The following ASL variants were observed in gnomAD, a reference collection of about 807,000 sequenced individuals.
ASL encodes the protein argininosuccinate lyase.
A neutral mutation model predicts 69.1 loss-of-function variants in ASL; 51 were observed. The observed-to-expected ratio is 0.74, with a 90% confidence interval of 0.59 to 0.93. The LOEUF (loss-of-function observed/expected upper bound fraction) is 0.93, where lower values mean the gene tolerates loss of function less well. ASL is among the 40% of genes least tolerant of loss of function. The pLI, the probability that ASL is intolerant of heterozygous loss-of-function variation, is 0.00. For synonymous variants in ASL, 241 were observed against 247.6 expected (o/e 0.97, Z 0.25); for missense variants, 540 against 623.9 (o/e 0.87, Z 1.43).
chr7:66,092,482 G>C, intron 15 of ASL, 75 bp from the exon 16 acceptor site: 1 of 1,328,648 alleles, frequency 7.5e-7, no homozygotes, highest in Non-Finnish European at 1.1e-6. Flanking sequence ...AAAAAAGGAA[G>C]GGGGTGCAGG....
chr7:66,082,544 C>T, intron 4 of ASL, 93 bp downstream of exon 4: 1 of 1,391,528 alleles, frequency 7.2e-7, no homozygotes, highest in Non-Finnish European at 1.0e-6. Flanking sequence ...GTTTACTTCG[C>T]CATTGGCAGA....
At chr7:66,079,946 G>T (rs1786452295) in intron 2 of ASL, among the ~76,000 whole-genome samples, 1 of 152,126 alleles carries the variant, frequency 6.6e-6, no homozygotes. Context: ...ATGTCTGGGT[G>T]TGGTGGCGCA....
chr7:66,088,776 A>G, intron 10 of ASL, 31 bp from the exon 11 acceptor site: 1 of 1,579,892 alleles, frequency 6.3e-7, no homozygotes, highest in Non-Finnish European at 8.7e-7. Context: ...GGGATGGGAG[A>G]GGCCTGGTGA....
At position 66,086,832 on chromosome 7, in the gene ASL, C is replaced by T. The variant is rs766038630; in HGVS notation, c.602+11C>T. 2 of 1,565,696 alleles carry T rather than the reference C, an allele frequency of 1.3e-6. No individual in the cohort carries two copies. Among genetic ancestry groups the T allele is most frequent in the Admixed American group, 3.8e-5 (2 of 52,328 alleles). ...CCTGCCCCTGGGGAGGTGGGTGAGGCTCCAGTGCCCCGAGGGCCTGGTGGG... is the reference window on the plus strand; with the variant it reads ...CCTGCCCCTGGGGAGGTGGGTGAGGTTCCAGTGCCCCGAGGGCCTGGTGGG... On this transcript the variant is annotated intron_variant, in intron 8 of 16. Transcript: ENST00000304874.
intron 15 of ASL, 45 bp from the exon 16 acceptor site, chr7:66,092,512 C>T (rs1458210566): frequency 6.5e-7 from 1 of 1,543,700 alleles, no homozygotes; most frequent in Admixed American, 1.7e-5. Context: ...CAGATCAGGG[C>T]ATGGAGAAAC....
At chr7:66,088,409 A>G (rs1269638847) in intron 10 of ASL, among the ~76,000 whole-genome samples, 3 of 152,094 alleles carry the variant, frequency 2.0e-5, no homozygotes, top group Non-Finnish European at 4.4e-5. Context: ...GGAACCTGGG[A>G]GGTAGAGGTT....
intron 2 of ASL, among the ~76,000 whole-genome samples, chr7:66,080,875 G>T (rs951684953): frequency 6.6e-6 from 1 of 152,184 alleles, no homozygotes; most frequent in Non-Finnish European, 1.5e-5. Flanking sequence ...TAGGAATTGG[G>T]ATCTTAGTCC....
chr7:66,080,753 C>A (rs564404517), intron 2 of ASL, among the ~76,000 whole-genome samples: 2 of 152,130 alleles, frequency 1.3e-5, no homozygotes, highest in African/African-American at 4.8e-5. Context: ...TAGATGCCTA[C>A]ATACCATTCC....
intron 14 of ASL, among the ~76,000 whole-genome samples, chr7:66,090,217 C>G (rs1786804300): frequency 6.6e-6 from 1 of 152,064 alleles, no homozygotes; most frequent in Admixed American, 6.6e-5. Flanking sequence ...CAGCCTGGAC[C>G]ACAGAGTAAA....
chr7:66,087,576 G>A (rs1786706181), intron 9 of ASL, 153 bp from the exon 10 acceptor site: 7 of 974,822 alleles, frequency 7.2e-6, no homozygotes, highest in South Asian at 1.4e-5. Context: ...GAGAGACTCA[G>A]GGCTCCTGCC....
chr7:66,087,197 A>G lies in ASL; in HGVS notation c.603-137A>G, dbSNP rs374585765. On this transcript the variant is annotated intron_variant, in intron 8 of 16. Transcript: ENST00000304874. ...TGGGCCAGGGAAGAGGCTAAGCGCCAGGTGGTTGCCCTGGCAACCAGGACT... is the reference window on the plus strand; with the variant it reads ...TGGGCCAGGGAAGAGGCTAAGCGCCGGGTGGTTGCCCTGGCAACCAGGACT... 7.3e-5 allele frequency: 73 copies of G among 995,406 alleles called. No individual in the cohort carries two copies. The East Asian group carries it at 1.2e-3, about 17-fold the overall frequency. 61.7% of individuals were successfully genotyped at this position (995,406 alleles called of 1,614,324 possible). A position where few individuals can be genotyped will look rare whatever the true frequency, so the allele number is the denominator to read the frequency against.
rs201814807 is a variant in ASL at position 66,087,724 on chromosome 7, C to T, written c.656-5C>T. ...GCTTAGCCCTGCTTCCTCCCACCCC[C>T]CCAGAACTCAACTTTGGGGCCATCA... is the stretch of plus-strand genomic sequence containing the variant. On this transcript the variant is annotated splice_region_variant and splice_polypyrimidine_tract_variant and intron_variant, in intron 9 of 16. Transcript: ENST00000304874. 63 of 1,614,114 alleles carry T rather than the reference C, an allele frequency of 3.9e-5. No individual in the cohort carries two copies. The highest frequency in any genetic ancestry group is 2.5e-5 in the Non-Finnish European group (29 of 1,180,014).
rs1364826703 is a variant in ASL at position 66,089,306 on chromosome 7, C to T, written c.949C>T (p.Leu317Phe). 6.2e-7 allele frequency: 1 copy of T among 1,609,460 alleles called. No individual in the cohort carries two copies. The highest frequency in any genetic ancestry group is 1.1e-5 in the South Asian group (1 of 90,518). Residue 317 changes from leucine (L) to phenylalanine (F), a missense_variant, in exon 13 of 17, where the codon CTT becomes TTT. Transcript: ENST00000304874. The stretch of plus-strand genomic sequence containing the variant: ...CGGGCTCCTGATGACCCTCAAGGGA[C>T]TTCCCAGCACCTACAACAAAGACTT... The part of the protein sequence containing the change: ...CAGLLMTLKG[L>F]PSTYNKDLQE...
intron 4 of ASL, 24 bp from the exon 5 acceptor site, chr7:66,082,856 C>A (rs751675135): frequency 1.9e-6 from 3 of 1,613,184 alleles, no homozygotes; most frequent in Non-Finnish European, 2.5e-6. Context: ...TAGACCGTGA[C>A]CCTGGGTCTC....
chr7:66,088,744 C>T (rs954608628), intron 10 of ASL, 63 bp from the exon 11 acceptor site: 1 of 1,423,202 alleles, frequency 7.0e-7, no homozygotes, highest in African/African-American at 1.4e-5. Flanking sequence ...TCCTCCTGCC[C>T]CCTGTATGGT....
chr7:66,085,867 C>G (rs1701748779), intron 6 of ASL, among the ~76,000 whole-genome samples: 1 of 152,100 alleles, frequency 6.6e-6, no homozygotes, highest in Admixed American at 6.6e-5. Context: ...CTCGGCCTCC[C>G]AAAGTGCTGG....
At position 66,075,964 on chromosome 7, in the gene ASL, C is replaced by T. The variant is rs557549042; in HGVS notation, c.-43-75C>T. On this transcript the variant is annotated intron_variant, in intron 1 of 16. Transcript: ENST00000304874. The stretch of plus-strand genomic sequence containing the variant: ...GGGCTGCGCTCCCTCAAGCGCAGTG[C>T]CCAGAACTCGGAGCCAGCCCGGCCC... 937 of 1,408,332 alleles carry T rather than the reference C, an allele frequency of 6.7e-4. 12 individuals are homozygous for T. The South Asian group carries it at 1.0e-2, about 15-fold the overall frequency. 87.2% of individuals were successfully genotyped at this position (1,408,332 alleles called of 1,614,324 possible). A position where few individuals can be genotyped will look rare whatever the true frequency, so the allele number is the denominator to read the frequency against.
intron 2 of ASL, among the ~76,000 whole-genome samples, chr7:66,080,445 G>A (rs1035656130): frequency 3.3e-5 from 5 of 150,944 alleles, no homozygotes; most frequent in African/African-American, 7.3e-5. Flanking sequence ...AAACAGGCTC[G>A]GCACAGTGGC....
At chr7:66,075,915 G>A in intron 1 of ASL, 59 bp downstream of exon 1, 1 of 813,810 alleles carries the variant, frequency 1.2e-6, no homozygotes, top group Non-Finnish European at 2.0e-6. Context: ...GCACCGTGGC[G>A]CGCGCTCACG....
Sources: gnomAD v4.1 joint callset for allele counts (sites outside exome capture counted in the v4.1 genomes callset) on GRCh38, gnomAD v4.1.1 for gene constraint, MANE v1.5 for transcripts, NCBI Gene and HGNC (gene_info 2026-07-23, HGNC 2026-07-21) for gene names.